STK17B: variants seen among roughly 807,000 people sequenced by gnomAD.
The protein encoded by STK17B is serine/threonine-protein kinase 17B.
A neutral mutation model predicts 42.0 loss-of-function variants in STK17B; 21 were observed. The observed-to-expected ratio is 0.50, with a 90% CI of 0.35 to 0.72. The LOEUF (loss-of-function observed/expected upper bound fraction) is 0.72. Ranked by LOEUF, STK17B falls within the 30% of genes least tolerant of loss-of-function variation. The probability of loss-of-function intolerance (pLI) is 0.00; values close to 1 mark genes in which losing one functional copy is unlikely to be tolerated. For synonymous variants in STK17B, 143 were observed against 148.4 expected (o/e 0.96, Z 0.26); for missense variants, 349 against 446.0 (o/e 0.78, Z 1.96).
intron 1 of STK17B, chr2:196,166,041 A>C (rs767622507): frequency 7.2e-5 from 11 of 152,250 alleles, no homozygotes; most frequent in Non-Finnish European, 1.3e-4. Flanking sequence ...TGAAAGATCA[A>C]TATGGGTACC....
intron 3 of STK17B, among the ~76,000 whole-genome samples, chr2:196,150,007 G>T (rs1183140735): frequency 6.6e-6 from 1 of 151,946 alleles, no homozygotes; most frequent in African/African-American, 2.4e-5. Context: ...GAACATAGGT[G>T]GAGCTACAGA....
At chr2:196,155,592 T>C (rs1462729658) in intron 3 of STK17B, among the ~76,000 whole-genome samples, 1 of 152,120 alleles carries the variant, frequency 6.6e-6, no homozygotes, top group Non-Finnish European at 1.5e-5. Context: ...CACTTATCTC[T>C]TCTTGGTTTA....
upstream of STK17B, among the ~76,000 whole-genome samples, chr2:196,172,266 AG>A (rs3215280): frequency 0.26 from 39,009 of 152,152 alleles, 5,315 homozygotes; most frequent in Middle Eastern, 0.38. Flanking sequence ...CTAAGGAAAA[AG>A]ATGAAAGCCC....
chr2:196,142,741 G>A (rs1699510977), intron 5 of STK17B, among the ~76,000 whole-genome samples: 1 of 152,182 alleles, frequency 6.6e-6, no homozygotes. Context: ...TATAGCCCCA[G>A]TTAGCATTCA....
At chr2:196,160,166 A>G (rs1261738532) in intron 2 of STK17B, among the ~76,000 whole-genome samples, 6 of 152,240 alleles carry the variant, frequency 3.9e-5, no homozygotes, top group African/African-American at 1.4e-4. Context: ...AAGGCTAACT[A>G]GATTTCCCAG....
chr2:196,139,846 C>T (rs1699468378), intron 6 of STK17B, 47 bp from the exon 7 acceptor site: 1 of 1,288,324 alleles, frequency 7.8e-7, no homozygotes, highest in Non-Finnish European at 1.0e-6. Flanking sequence ...AATTTTTAAA[C>T]ATTTATACAA....
At chr2:196,141,561 A>G (rs532556355) in intron 5 of STK17B, among the ~76,000 whole-genome samples, 7 of 152,310 alleles carry the variant, frequency 4.6e-5, no homozygotes, top group African/African-American at 1.7e-4. Context: ...CAGGAGGCTG[A>G]GGCAGGAGAA....
In STK17B at chr2:196,163,360, G is replaced by A; in HGVS notation, c.24C>T (p.Cys8=). Residue 8 remains cysteine, a synonymous_variant, in exon 2 of 8, where the codon TGC becomes TGT. Transcript: ENST00000263955. Reference sequence around the variant, plus strand: ...TAGTTAGTAGGCCTGAAATACTTCGGCAATCAAATCTCCTCCTCGACATGT... The same window carrying A: ...TAGTTAGTAGGCCTGAAATACTTCGACAATCAAATCTCCTCCTCGACATGT... The part of the protein sequence containing the change: MSRRRFD[C]RSISGLLTTT... The A allele has an allele frequency of 6.3e-7, 1 of 1,598,024 alleles. No homozygotes were observed. The highest frequency in any genetic ancestry group is 8.5e-7 in the Non-Finnish European group (1 of 1,175,796).
chr2:196,149,310 C>T (rs1040699501), intron 3 of STK17B, among the ~76,000 whole-genome samples: 22 of 152,042 alleles, frequency 1.4e-4, no homozygotes, highest in African/African-American at 5.3e-4. Flanking sequence ...ACTACAGGCG[C>T]GTGGCACCAC....
intron 2 of STK17B, among the ~76,000 whole-genome samples, chr2:196,159,388 G>A (rs1223831221): frequency 2.7e-5 from 4 of 146,986 alleles, no homozygotes; most frequent in African/African-American, 7.6e-5. Flanking sequence ...TCAGCTCACC[G>A]CAGCCTCAAC....
intron 1 of STK17B, among the ~76,000 whole-genome samples, chr2:196,168,968 A>T (rs1205349521): frequency 6.6e-6 from 1 of 152,196 alleles, no homozygotes; most frequent in Non-Finnish European, 1.5e-5. Context: ...AATGACTGCT[A>T]ATGTTTCTGA....
intron 1 of STK17B, 134 bp from the exon 2 acceptor site, chr2:196,163,561 G>T: frequency 1.5e-6 from 1 of 659,724 alleles, no homozygotes; most frequent in Non-Finnish European, 2.2e-6. Flanking sequence ...CTATCCACAA[G>T]GAGGAAAAAA....
At chr2:196,162,609 T>C (rs1699826166) in intron 2 of STK17B, among the ~76,000 whole-genome samples, 1 of 151,900 alleles carries the variant, frequency 6.6e-6, no homozygotes, top group Non-Finnish European at 1.5e-5. Context: ...CACTAAGAGG[T>C]ACAGTAGGCA....
At chr2:196,166,321 C>T (rs895128726) in intron 1 of STK17B, 2 of 152,120 alleles carry the variant, frequency 1.3e-5, no homozygotes, top group Non-Finnish European at 2.9e-5. Flanking sequence ...CTCTCTGTCG[C>T]TCCTTCTTGT....
intron 2 of STK17B, 98 bp downstream of exon 2, chr2:196,163,163 CA>C: frequency 1.4e-6 from 2 of 1,398,582 alleles, no homozygotes; most frequent in Non-Finnish European, 2.0e-6. Flanking sequence ...CCTTCCTAAT[CA>C]TTGTTAAATA....
chr2:196,168,296 C>A (rs915696998), intron 1 of STK17B, among the ~76,000 whole-genome samples: 2 of 152,114 alleles, frequency 1.3e-5, no homozygotes, highest in Non-Finnish European at 2.9e-5. Context: ...TGTCTTCCCA[C>A]CTCCAGAAAA....
At chr2:196,160,307 C>G (rs1342089582) in intron 2 of STK17B, among the ~76,000 whole-genome samples, 1 of 152,146 alleles carries the variant, frequency 6.6e-6, no homozygotes, top group Non-Finnish European at 1.5e-5. Context: ...CTGCCTCACC[C>G]TTCTAACCAC....
In STK17B at chr2:196,134,077, A is replaced by G. The variant is rs1402901310; in HGVS notation, c.*3370T>C. The G allele has an allele frequency of 6.6e-6, 1 of 152,240 alleles. No individual in the cohort carries two copies. The highest frequency in any genetic ancestry group is 1.5e-5 in the Non-Finnish European group (1 of 68,052). 9.4% of individuals were successfully genotyped at this position (152,240 alleles called of 1,614,324 possible). A position where few individuals can be genotyped will look rare whatever the true frequency, so the allele number is the denominator to read the frequency against. ...GTATTTATAAATGTTGCTTAGAGGA[A>G]GGCTATTCAAAGCATGGTCCATTAA... On this transcript the variant is annotated 3_prime_UTR_variant, in exon 8 of 8. Transcript: ENST00000263955.
chr2:196,162,071 C>T (rs1265442496), intron 2 of STK17B, among the ~76,000 whole-genome samples: 2 of 152,174 alleles, frequency 1.3e-5, no homozygotes, highest in South Asian at 2.1e-4. Flanking sequence ...ACCTCCAGAA[C>T]TAAAATCAAA....
Sources: gnomAD v4.1 joint callset for allele counts (sites outside exome capture counted in the v4.1 genomes callset) on GRCh38, gnomAD v4.1.1 for gene constraint, MANE v1.5 for transcripts, NCBI Gene and HGNC (gene_info 2026-07-23, HGNC 2026-07-21) for gene names.